Variants in CACNA2D3 observed in about 807,000 individuals in gnomAD.
CACNA2D3 encodes calcium voltage-gated channel auxiliary subunit alpha2delta 3.
In CACNA2D3, 60 loss-of-function variants were observed where a neutral mutation model predicts 160.6. The observed-to-expected ratio is 0.37, with a 90% CI of 0.30 to 0.46. CACNA2D3 has a LOEUF of 0.46. Ranked by LOEUF, CACNA2D3 falls within the 20% of genes least tolerant of loss-of-function variation. The pLI is 1.00. For missense variants in CACNA2D3, 1,205 were observed against 1,365.0 expected, an observed-to-expected ratio of 0.88 and a Z score of 1.85; for synonymous variants, 558 against 492.9, an observed-to-expected ratio of 1.13 and a Z score of -1.75.
At chr3:54,381,552 C>T (rs1699102821) in intron 3 of CACNA2D3, among the ~76,000 whole-genome samples, 1 of 152,116 alleles carries the variant, frequency 6.6e-6, no homozygotes, top group Non-Finnish European at 1.5e-5. Context: ...ACGTGGTGTC[C>T]GGTTTTCCGC....
chr3:55,016,002 A>G (rs1703318725), intron 34 of CACNA2D3, among the ~76,000 whole-genome samples: 1 of 152,194 alleles, frequency 6.6e-6, no homozygotes, highest in South Asian at 2.1e-4. Context: ...AGAGGTTCTC[A>G]CATTTTTTGG....
intron 4 of CACNA2D3, among the ~76,000 whole-genome samples, chr3:54,487,392 C>T (rs1299976464): frequency 6.6e-6 from 1 of 152,074 alleles, no homozygotes; most frequent in African/African-American, 2.4e-5. Context: ...ACCAGACAGT[C>T]CTTTGCAAAT....
chr3:54,845,401 C>T (rs1243669052), intron 16 of CACNA2D3, among the ~76,000 whole-genome samples: 1 of 151,704 alleles, frequency 6.6e-6, no homozygotes, highest in Non-Finnish European at 1.5e-5. Context: ...CAGTGGGGCT[C>T]AGAACTGTGA....
intron 4 of CACNA2D3, among the ~76,000 whole-genome samples, chr3:54,403,763 G>C (rs566669281): frequency 6.6e-6 from 1 of 152,120 alleles, no homozygotes; most frequent in South Asian, 2.1e-4. Flanking sequence ...ACTAAGAAAA[G>C]AGAGAAGACT....
intron 11 of CACNA2D3, among the ~76,000 whole-genome samples, chr3:54,702,022 CA>C (rs1460885108): frequency 1.3e-5 from 2 of 152,006 alleles, no homozygotes; most frequent in Non-Finnish European, 2.9e-5. Flanking sequence ...ACTCCCTATT[CA>C]AAAATAAATG....
intron 11 of CACNA2D3, among the ~76,000 whole-genome samples, chr3:54,660,719 T>C (rs1046929282): frequency 1.3e-5 from 2 of 152,138 alleles, no homozygotes; most frequent in African/African-American, 4.8e-5. Flanking sequence ...TTAGTGAACA[T>C]GTTCCATTAC....
At chr3:54,798,974 G>C (rs1015315433) in intron 13 of CACNA2D3, among the ~76,000 whole-genome samples, 1 of 152,164 alleles carries the variant, frequency 6.6e-6, no homozygotes, top group Admixed American at 6.5e-5. Flanking sequence ...TTTAAAAAAT[G>C]ATAGAGTAAT....
intron 4 of CACNA2D3, among the ~76,000 whole-genome samples, chr3:54,439,219 C>A (rs1448100425): frequency 6.6e-6 from 1 of 152,106 alleles, no homozygotes; most frequent in Non-Finnish European, 1.5e-5. Flanking sequence ...CAGCTAATCT[C>A]ATGTCTTATT....
intron 2 of CACNA2D3, among the ~76,000 whole-genome samples, chr3:54,183,196 T>C (rs6445631): frequency 0.81 from 122,716 of 151,232 alleles, 50,117 homozygotes; most frequent in East Asian, 1. Context: ...TTGGGAGAAT[T>C]GAGGCATAAA....
intron 11 of CACNA2D3, among the ~76,000 whole-genome samples, chr3:54,700,457 T>A (rs1431663858): frequency 1.3e-5 from 2 of 152,178 alleles, no homozygotes; most frequent in Non-Finnish European, 2.9e-5. Flanking sequence ...CCAACCAAAT[T>A]TCAAGTGTTT....
chr3:54,549,424 C>T (rs1159710881), intron 5 of CACNA2D3, among the ~76,000 whole-genome samples: 1 of 152,100 alleles, frequency 6.6e-6, no homozygotes, highest in Non-Finnish European at 1.5e-5. Flanking sequence ...CTGGCCTGGG[C>T]GAAAGAGCGA....
At chr3:54,698,430 T>G (rs1212473618) in intron 11 of CACNA2D3, among the ~76,000 whole-genome samples, 3 of 152,214 alleles carry the variant, frequency 2.0e-5, no homozygotes, top group African/African-American at 4.8e-5. Flanking sequence ...AACTTTAAAC[T>G]TGCTTTGTTG....
chr3:54,359,599 G>A (rs1356822203), intron 3 of CACNA2D3, among the ~76,000 whole-genome samples: 2 of 152,130 alleles, frequency 1.3e-5, no homozygotes, highest in Non-Finnish European at 2.9e-5. Flanking sequence ...AGTTCCAGGC[G>A]ACACTCAGTG....
chr3:54,625,044 C>T (rs913892400), intron 9 of CACNA2D3, among the ~76,000 whole-genome samples: 1 of 152,222 alleles, frequency 6.6e-6, no homozygotes. Flanking sequence ...ACTTGGCATC[C>T]TGATGGGCCT....
intron 11 of CACNA2D3, among the ~76,000 whole-genome samples, chr3:54,697,751 A>C (rs763111612): frequency 1.3e-5 from 2 of 152,240 alleles, no homozygotes; most frequent in Admixed American, 6.5e-5. Context: ...CCTTCCATGC[A>C]TTCAAATCAC....
chr3:54,411,553 A>G (rs1414982346), intron 4 of CACNA2D3, among the ~76,000 whole-genome samples: 1 of 152,212 alleles, frequency 6.6e-6, no homozygotes, highest in African/African-American at 2.4e-5. Flanking sequence ...AAAGTATTTT[A>G]AAATTAAGGT....
At chr3:54,284,979 C>A (rs1042863113) in intron 2 of CACNA2D3, among the ~76,000 whole-genome samples, 1 of 152,176 alleles carries the variant, frequency 6.6e-6, no homozygotes, top group Admixed American at 6.5e-5. Context: ...AGGAACAGCT[C>A]TGGTCTACAG....
At chr3:54,286,041 T>G (rs1703014205) in intron 2 of CACNA2D3, among the ~76,000 whole-genome samples, 1 of 152,320 alleles carries the variant, frequency 6.6e-6, no homozygotes, top group African/African-American at 2.4e-5. Context: ...TCCAAAGGAA[T>G]GCAGCTCCTC....
chr3:54,497,116 T>G (rs1180818014), intron 4 of CACNA2D3, among the ~76,000 whole-genome samples: 1 of 152,106 alleles, frequency 6.6e-6, no homozygotes, highest in Non-Finnish European at 1.5e-5. Context: ...TATGTAAAAT[T>G]TTAAATCAGC....
Sources: allele counts gnomAD v4.1 joint callset (sites outside exome capture counted in the v4.1 genomes callset), GRCh38; gene constraint gnomAD v4.1.1; transcripts MANE v1.5; gene names NCBI Gene and HGNC (gene_info 2026-07-23, HGNC 2026-07-21).